Variants in HOOK1 observed in about 807,000 individuals in gnomAD.
The protein encoded by HOOK1 is protein Hook homolog 1.
In HOOK1, 60 loss-of-function variants were observed where a neutral mutation model predicts 112.8. The ratio of observed to expected loss-of-function variants is 0.53; its 90% confidence interval spans 0.43 to 0.66. The LOEUF (loss-of-function observed/expected upper bound fraction) is 0.66. Among genes scored for constraint, HOOK1 ranks in the 30% least tolerant of loss-of-function variants. The pLI, the probability that HOOK1 is intolerant of heterozygous loss-of-function variation, is 0.00. For missense variants in HOOK1, 770 were observed against 856.0 expected (o/e 0.90, Z 1.25); for synonymous variants, 294 against 283.8 (o/e 1.04, Z -0.36).
intron 12 of HOOK1, among the ~76,000 whole-genome samples, chr1:59,849,633 G>A (rs537544492): frequency 2.0e-5 from 3 of 151,398 alleles, no homozygotes; most frequent in Non-Finnish European, 3.0e-5. Flanking sequence ...GCCCATCACC[G>A]TTTACCCTGC....
chr1:59,871,643 G>A (rs1311975174), intron 21 of HOOK1, among the ~76,000 whole-genome samples: 2 of 151,960 alleles, frequency 1.3e-5, no homozygotes, highest in African/African-American at 2.4e-5. Flanking sequence ...GTTTTATTTT[G>A]TCATTGGTAG....
At chr1:59,863,132 T>C (rs1423510954) in intron 16 of HOOK1, among the ~76,000 whole-genome samples, 1 of 152,168 alleles carries the variant, frequency 6.6e-6, no homozygotes, top group Non-Finnish European at 1.5e-5. Flanking sequence ...TTCTTAATCA[T>C]CATTCAACAT....
intron 7 of HOOK1, among the ~76,000 whole-genome samples, 195 bp downstream of exon 7, chr1:59,837,130 G>A (rs1462165844): frequency 6.6e-6 from 1 of 152,200 alleles, no homozygotes; most frequent in Non-Finnish European, 1.5e-5. Context: ...TGTTGAAAGA[G>A]TTGAGTGGCA....
chr1:59,828,715 T>G (rs1326642691), intron 2 of HOOK1, 65 bp from the exon 3 acceptor site: 15 of 1,375,326 alleles, frequency 1.1e-5, no homozygotes, highest in Non-Finnish European at 1.5e-5. Flanking sequence ...CTCTGTTGGC[T>G]CTATTTAATT....
intron 12 of HOOK1, among the ~76,000 whole-genome samples, chr1:59,856,035 C>T (rs1346575233): frequency 8.5e-6 from 1 of 117,326 alleles, no homozygotes; most frequent in Non-Finnish European, 1.6e-5. Flanking sequence ...TGCCATGTTG[C>T]CCAGGCTGGT....
intron 12 of HOOK1, among the ~76,000 whole-genome samples, chr1:59,856,603 ATTG>A (rs1371163162): frequency 2.0e-5 from 3 of 151,432 alleles, no homozygotes; most frequent in African/African-American, 7.3e-5. Context: ...CTTAGGGTTT[ATTG>A]TTGTTGCTGT....
chr1:59,832,174 A>G lies in HOOK1; in HGVS notation c.234A>G (p.Val78=). The change falls in exon 4 of 22, where the codon GTA becomes GTG. Residue 78 remains valine (V), a synonymous_variant. Transcript: ENST00000371208. ...TTTTTTCACATTAGGCCAGTAATGT[A>G]AAGAAGGTCCTTCAAGGAATTATGA... ...GDNWRIKASN[V]KKVLQGIMSY... The G allele has an allele frequency of 6.5e-7, 1 of 1,549,234 alleles. No individual in the cohort carries two copies. The highest frequency in any genetic ancestry group is 8.8e-7 in the Non-Finnish European group (1 of 1,138,234).
chr1:59,874,235 A>G lies in HOOK1; in HGVS notation c.*1270A>G, dbSNP rs1644099573. On this transcript the variant is annotated 3_prime_UTR_variant, in exon 22 of 22. Coordinates refer to ENST00000371208, the MANE Select transcript of HOOK1 (RefSeq NM_015888.6). The stretch of plus-strand genomic sequence containing the variant: ...ACCATATTGGACAGGGCAGCTATAG[A>G]ATATTTCCATCATTGCAGAAAGTTC... The G allele has an allele frequency of 6.6e-6, 1 of 152,174 alleles. No homozygotes were observed. Among genetic ancestry groups the G allele is most frequent in the Non-Finnish European group, 1.5e-5 (1 of 68,006 alleles). The allele number at this position is 152,174 out of a possible 1,614,324, so 9.4% of individuals were successfully genotyped here. A position where few individuals can be genotyped will look rare whatever the true frequency, so the allele number is the denominator to read the frequency against.
chr1:59,872,703 T>C, intron 21 of HOOK1, 92 bp from the exon 22 acceptor site: 1 of 745,202 alleles, frequency 1.3e-6, no homozygotes, highest in African/African-American at 1.8e-5. Context: ...CTTTATAGGT[T>C]GGTTTTAAGG....
chr1:59,821,991 A>G, intron 2 of HOOK1, 48 bp downstream of exon 2: 1 of 1,414,158 alleles, frequency 7.1e-7, no homozygotes, highest in Non-Finnish European at 1.0e-6. Context: ...AACCCAATAC[A>G]TACCAAGGAA....
At chr1:59,861,117 G>A (rs1233327112) in intron 15 of HOOK1, among the ~76,000 whole-genome samples, 1 of 151,962 alleles carries the variant, frequency 6.6e-6, no homozygotes, top group African/African-American at 2.4e-5. Context: ...CACCATGTTG[G>A]CTGGGCTGGT....
chr1:59,862,680 T>C, intron 15 of HOOK1, 104 bp from the exon 16 acceptor site: 1 of 674,856 alleles, frequency 1.5e-6, no homozygotes, highest in South Asian at 2.0e-5. Flanking sequence ...GTCATTGCTA[T>C]AAAAATATTT....
At chr1:59,858,366 C>A in intron 12 of HOOK1, 62 bp from the exon 13 acceptor site, 1 of 994,852 alleles carries the variant, frequency 1.0e-6, no homozygotes, top group Non-Finnish European at 1.6e-6. Context: ...AAATTGTAAG[C>A]ATAAAGTACA....
At chr1:59,857,367 T>C (rs1428296443) in intron 12 of HOOK1, among the ~76,000 whole-genome samples, 1 of 152,186 alleles carries the variant, frequency 6.6e-6, no homozygotes, top group Non-Finnish European at 1.5e-5. Context: ...GTTAGAAAAG[T>C]TAAAAGAGCA....
intron 1 of HOOK1, among the ~76,000 whole-genome samples, chr1:59,819,121 C>T (rs1173182393): frequency 6.8e-6 from 1 of 147,088 alleles, no homozygotes; most frequent in African/African-American, 2.5e-5. Flanking sequence ...GCTTTGACCT[C>T]ACTCGCCCCA....
chr1:59,828,617 TTAAA>T lies in HOOK1; in HGVS notation c.150-159_150-156del, dbSNP rs141203000. 1.4e-4 allele frequency among the ~76,000 whole-genome samples: 21 copies of T among 152,322 alleles called. No homozygotes were observed. In the East Asian group the frequency reaches 3.5e-3, roughly 25 times the overall value. On this transcript the variant is annotated intron_variant, in intron 2 of 21. Transcript: ENST00000371208. The stretch of plus-strand genomic sequence containing the variant: ...TTATTAAATTGAAGGTGCAAATAAC[TTAAA>T]TAACTTAATATGATAAATTATTGCT...
At chr1:59,860,463 A>G in intron 15 of HOOK1, 135 bp downstream of exon 15, 1 of 721,020 alleles carries the variant, frequency 1.4e-6, no homozygotes, top group Non-Finnish European at 2.1e-6. Context: ...TATTTTTGTT[A>G]GTAGTCTTTC....
At chr1:59,831,954 C>A (rs1223808887) in intron 3 of HOOK1, among the ~76,000 whole-genome samples, 2 of 152,094 alleles carry the variant, frequency 1.3e-5, no homozygotes, top group African/African-American at 4.8e-5. Flanking sequence ...TCATTGTGAC[C>A]CACTTTAAAT....
intron 2 of HOOK1, among the ~76,000 whole-genome samples, chr1:59,827,886 G>A (rs2098391121): frequency 6.6e-6 from 1 of 152,198 alleles, no homozygotes; most frequent in Non-Finnish European, 1.5e-5. Flanking sequence ...TACCTGTAAA[G>A]TAAGAATTTA....
Sources: allele counts gnomAD v4.1 joint callset (sites outside exome capture counted in the v4.1 genomes callset), GRCh38; gene constraint gnomAD v4.1.1; transcripts MANE v1.5; gene names NCBI Gene and HGNC (gene_info 2026-07-23, HGNC 2026-07-21).